TAFA1: variants seen among roughly 807,000 people sequenced by gnomAD.
The protein encoded by TAFA1 is chemokine-like protein TAFA-1.
TAFA1 carries 4 observed loss-of-function variants against 18.5 expected under a neutral mutation model. The ratio of observed to expected loss-of-function variants is 0.22; its 90% CI spans 0.11 to 0.49. The LOEUF (loss-of-function observed/expected upper bound fraction) is 0.49, where lower values mean the gene tolerates loss of function less well. TAFA1 is among the 20% of genes least tolerant of loss of function. The pLI is 0.98. For synonymous variants in TAFA1, 56 were observed against 55.2 expected, an observed-to-expected ratio of 1.01 and a Z score of -0.06; for missense variants, 147 against 169.0, an observed-to-expected ratio of 0.87 and a Z score of 0.72.
chr3:68,036,739 G>A (rs1450501097), intron 2 of TAFA1, among the ~76,000 whole-genome samples: 1 of 152,092 alleles, frequency 6.6e-6, no homozygotes, highest in Non-Finnish European at 1.5e-5. Context: ...TTATCTATCT[G>A]CCCTGCCCCC....
rs114050559 is a variant in TAFA1, at chr3:68,125,671, T to C, written c.118+118927T>C. 2.7e-3 allele frequency among the ~76,000 whole-genome samples: 418 copies of C among 152,272 alleles called. 3 individuals carry two copies. Among genetic ancestry groups the C allele is most frequent in the African/African-American group, 9.7e-3 (401 of 41,554 alleles). On this transcript the variant is annotated intron_variant, in intron 2 of 4. Coordinates refer to ENST00000478136, the MANE Select transcript of TAFA1 (RefSeq NM_213609.4). ...GTTAAAAGAATTTAACAAGACACTG[T>C]CTCTGGTGTCCCACATCACATCCCC...
At chr3:68,449,658 A>G (rs993933853) in intron 3 of TAFA1, among the ~76,000 whole-genome samples, 20 of 152,184 alleles carry the variant, frequency 1.3e-4, no homozygotes, top group African/African-American at 3.1e-4. Context: ...CTGAGTAATG[A>G]TGTCCCATTT....
rs150059417 is a variant in TAFA1 at position 68,044,521 on chromosome 3, C to G, written c.118+37777C>G. ...GACTTCACCTCCTGCTGCTTTCCCT[C>G]TTGGCTGTTTCACTCCAGCCTGGGC... On this transcript the variant is annotated intron_variant, in intron 2 of 4. Coordinates refer to ENST00000478136, the MANE Select transcript of TAFA1 (RefSeq NM_213609.4). Among the ~76,000 whole-genome samples the G allele has an allele frequency of 4.2e-3, 641 of 152,284 alleles. 5 individuals carry two copies. Among genetic ancestry groups the G allele is most frequent in the African/African-American group, 0.015 (623 of 41,568 alleles).
intron 2 of TAFA1, among the ~76,000 whole-genome samples, chr3:68,339,679 G>T (rs972560220): frequency 6.6e-6 from 1 of 152,112 alleles, no homozygotes; most frequent in African/African-American, 2.4e-5. Context: ...ATATGCTGTT[G>T]CCACTTTTGT....
At chr3:68,485,115 C>G (rs539382826) in intron 3 of TAFA1, among the ~76,000 whole-genome samples, 1 of 152,276 alleles carries the variant, frequency 6.6e-6, no homozygotes, top group Non-Finnish European at 1.5e-5. Flanking sequence ...TCTCCAGCCT[C>G]TGGGGCCTCT....
rs144202912 is a variant in TAFA1, at chr3:68,540,711, G to A, written c.384+1831G>A. On this transcript the variant is annotated intron_variant, in intron 4 of 4. Transcript: ENST00000478136. ...AACACAGTAAAGAAAAATAATTCAAGTCAGGATTTAAATATGTGAAATTCC... is the reference window on the plus strand; with the variant it reads ...AACACAGTAAAGAAAAATAATTCAAATCAGGATTTAAATATGTGAAATTCC... Among the ~76,000 whole-genome samples the A allele has an allele frequency of 1.1e-3, 174 of 152,244 alleles. 1 individual carries two copies. Among genetic ancestry groups the A allele is most frequent in the African/African-American group, 4.0e-3 (165 of 41,540 alleles).
In TAFA1 at chr3:68,307,927, A is replaced by T. The variant is rs529596557; in HGVS notation, c.119-109353A>T. ...TGTTACCTCACTGGTTTCTAATATG[A>T]CTGTTTAAGCCTTCTTAAGTGTTCT... On this transcript the variant is annotated intron_variant, in intron 2 of 4. Coordinates refer to ENST00000478136, the MANE Select transcript of TAFA1 (RefSeq NM_213609.4). 2.0e-5 allele frequency among the ~76,000 whole-genome samples: 3 copies of T among 152,202 alleles called. No homozygotes were observed. The East Asian group carries it at 5.8e-4, about 29-fold the overall frequency.
intron 2 of TAFA1, among the ~76,000 whole-genome samples, chr3:68,270,310 G>C (rs1403422899): frequency 6.6e-6 from 1 of 152,080 alleles, no homozygotes. Flanking sequence ...TCAGAACATG[G>C]GGGTTTATAA....
At chr3:68,304,234 T>A (rs746392685) in intron 2 of TAFA1, among the ~76,000 whole-genome samples, 2 of 152,222 alleles carry the variant, frequency 1.3e-5, no homozygotes, top group Non-Finnish European at 2.9e-5. Flanking sequence ...AAGGAGAAGG[T>A]TGCATACAGA....
chr3:68,281,549 A>G (rs1004833104), intron 2 of TAFA1, among the ~76,000 whole-genome samples: 43 of 147,128 alleles, frequency 2.9e-4, no homozygotes, highest in African/African-American at 1.0e-3. Context: ...GGCTCACTGC[A>G]ACCTCCACTT....
chr3:68,212,469 T>G (rs12053816), intron 2 of TAFA1, among the ~76,000 whole-genome samples: 52,193 of 151,740 alleles, frequency 0.34, 9,440 homozygotes, highest in East Asian at 0.62. Context: ...ATTATCTTTG[T>G]TCCCCTTTTT....
chr3:68,193,471 A>T (rs1023811080), intron 2 of TAFA1, among the ~76,000 whole-genome samples: 7 of 151,778 alleles, frequency 4.6e-5, no homozygotes, highest in Non-Finnish European at 8.8e-5. Flanking sequence ...AAAACAGAAA[A>T]GTCAGATGTC....
intron 2 of TAFA1, among the ~76,000 whole-genome samples, chr3:68,235,824 T>C (rs1006696721): frequency 1.3e-5 from 2 of 152,092 alleles, no homozygotes; most frequent in African/African-American, 4.8e-5. Context: ...ACTTCACACA[T>C]GAAAATTTCT....
chr3:68,331,844 GTCTTT>G (rs1559620779), intron 2 of TAFA1, among the ~76,000 whole-genome samples: 1 of 128,042 alleles, frequency 7.8e-6, no homozygotes, highest in Non-Finnish European at 1.7e-5. Context: ...GTAAAGGATA[GTCTTT>G]TCTTTTCTTT....
chr3:68,315,425 G>A (rs146875176), intron 2 of TAFA1, among the ~76,000 whole-genome samples: 16 of 152,156 alleles, frequency 1.1e-4, no homozygotes, highest in South Asian at 2.1e-4. Context: ...TTGCTGGGGC[G>A]CGGAAATAGT....
chr3:68,270,291 G>T (rs1355491914), intron 2 of TAFA1, among the ~76,000 whole-genome samples: 1 of 152,072 alleles, frequency 6.6e-6, no homozygotes, highest in African/African-American at 2.4e-5. Flanking sequence ...GGGCTTCTAT[G>T]ACAGATTATC....
chr3:68,430,427 T>G (rs2071148162), intron 3 of TAFA1, among the ~76,000 whole-genome samples: 1 of 151,982 alleles, frequency 6.6e-6, no homozygotes, highest in Non-Finnish European at 1.5e-5. Flanking sequence ...TAACAATAAA[T>G]AGTGTAGTAA....
At chr3:68,149,948 T>A (rs1051654094) in intron 2 of TAFA1, among the ~76,000 whole-genome samples, 3 of 152,214 alleles carry the variant, frequency 2.0e-5, no homozygotes, top group African/African-American at 7.2e-5. Context: ...TTCCTTTATC[T>A]TAAGGTCCAC....
chr3:68,387,050 C>T lies in TAFA1; in HGVS notation c.119-30230C>T, dbSNP rs1352847051. Among the ~76,000 whole-genome samples the T allele has an allele frequency of 4.0e-5, 6 of 151,560 alleles. No homozygotes were observed. In the East Asian group the frequency reaches 7.8e-4, roughly 20 times the overall value. ...CAAAATTAAATCCATACACTCTGTGCCTAATTTTATTTTTTTTTTTGGTGT... is the reference window on the plus strand; with the variant it reads ...CAAAATTAAATCCATACACTCTGTGTCTAATTTTATTTTTTTTTTTGGTGT... On this transcript the variant is annotated intron_variant, in intron 2 of 4. Coordinates refer to ENST00000478136, the MANE Select transcript of TAFA1 (RefSeq NM_213609.4).
Sources: gnomAD v4.1 joint callset for allele counts (sites outside exome capture counted in the v4.1 genomes callset) on GRCh38, gnomAD v4.1.1 for gene constraint, MANE v1.5 for transcripts, NCBI Gene and HGNC (gene_info 2026-07-23, HGNC 2026-07-21) for gene names.